The following ZNRF3 variants were observed in gnomAD, a reference collection of about 807,000 sequenced individuals.
The protein encoded by ZNRF3 is zinc and ring finger 3.
ZNRF3 carries 23 observed loss-of-function variants against 72.5 expected under a neutral mutation model. The observed-to-expected ratio is 0.32, with a 90% confidence interval of 0.23 to 0.45. ZNRF3 has a LOEUF of 0.45. Ranked by LOEUF, ZNRF3 falls within the 20% of genes least tolerant of loss-of-function variation. The probability of loss-of-function intolerance (pLI) is 1.00; values close to 1 mark genes in which losing one functional copy is unlikely to be tolerated. For synonymous variants in ZNRF3, 610 were observed against 545.3 expected (o/e 1.12, Z -1.65); for missense variants, 1,169 against 1,272.1 (o/e 0.92, Z 1.23).
At chr22:29,044,088 G>A (rs1234803718) in intron 4 of ZNRF3, among the ~76,000 whole-genome samples, 1 of 152,176 alleles carries the variant, frequency 6.6e-6, no homozygotes, top group African/African-American at 2.4e-5. Flanking sequence ...ACAAATATTG[G>A]GACATTCACA....
intron 1 of ZNRF3, among the ~76,000 whole-genome samples, chr22:28,955,556 GAGC>G: frequency 6.6e-6 from 1 of 152,138 alleles, no homozygotes; most frequent in East Asian, 1.9e-4. Context: ...ATGTTTTGTG[GAGC>G]AGCATCCTCA....
chr22:28,927,184 G>A (rs1157008115), intron 1 of ZNRF3, among the ~76,000 whole-genome samples: 1 of 152,152 alleles, frequency 6.6e-6, no homozygotes, highest in African/African-American at 2.4e-5. Flanking sequence ...CTGAGTAGGG[G>A]CATTCCATTG....
At chr22:28,932,890 T>C (rs913648947) in intron 1 of ZNRF3, among the ~76,000 whole-genome samples, 1 of 152,232 alleles carries the variant, frequency 6.6e-6, no homozygotes, top group East Asian at 1.9e-4. Flanking sequence ...AATACATGTC[T>C]TCTCTAAGAG....
At chr22:29,021,008 G>A (rs1487932942) in intron 2 of ZNRF3, among the ~76,000 whole-genome samples, 1 of 152,036 alleles carries the variant, frequency 6.6e-6, no homozygotes, top group Non-Finnish European at 1.5e-5. Flanking sequence ...GTGTTAGCCA[G>A]GATGGTCTCT....
intron 1 of ZNRF3, among the ~76,000 whole-genome samples, chr22:28,897,125 T>C (rs1326664657): frequency 6.6e-6 from 1 of 152,176 alleles, no homozygotes; most frequent in Non-Finnish European, 1.5e-5. Context: ...TTCATCCTTC[T>C]AAAGTAGTGT....
At chr22:28,943,164 TTC>T (rs2034979399) in intron 1 of ZNRF3, among the ~76,000 whole-genome samples, 1 of 152,218 alleles carries the variant, frequency 6.6e-6, no homozygotes, top group African/African-American at 2.4e-5. Context: ...TCTGATGTTT[TTC>T]TCTCTGTCCC....
At chr22:28,915,656 A>C (rs2034394163) in intron 1 of ZNRF3, among the ~76,000 whole-genome samples, 1 of 152,242 alleles carries the variant, frequency 6.6e-6, no homozygotes, top group Non-Finnish European at 1.5e-5. Flanking sequence ...TGGAAGGACA[A>C]AGTGGAATAC....
intron 2 of ZNRF3, among the ~76,000 whole-genome samples, chr22:29,005,498 G>A (rs188781921): frequency 1.4e-3 from 206 of 152,304 alleles, no homozygotes; most frequent in African/African-American, 4.7e-3. Flanking sequence ...GCTTGTTTGG[G>A]GTAGGAGGAA....
chr22:28,988,780 T>A (rs2035901329), intron 2 of ZNRF3, among the ~76,000 whole-genome samples: 1 of 152,206 alleles, frequency 6.6e-6, no homozygotes, highest in Non-Finnish European at 1.5e-5. Flanking sequence ...TCTTGTACTT[T>A]ATGCAGGAAT....
intron 1 of ZNRF3, among the ~76,000 whole-genome samples, chr22:28,938,819 G>A (rs1420968494): frequency 2.0e-5 from 3 of 152,172 alleles, no homozygotes; most frequent in South Asian, 2.1e-4. Flanking sequence ...GATGGGTTTC[G>A]GATACCTTAA....
rs2123889229 is a variant in ZNRF3 at position 29,050,693 on chromosome 22, T to C, written c.2512T>C (p.Cys838Arg). The change falls in exon 8 of 9, where the codon TGT becomes CGT. Residue 838 changes from cysteine to arginine, a missense_variant. Coordinates refer to ENST00000544604, the MANE Select transcript of ZNRF3 (RefSeq NM_001206998.2). ...RIPIIPEDVD[C>R]DLGLPSDCQG... is the part of the protein sequence containing the mutation. Reference sequence around the variant, plus strand: ...CCCCATCATTCCAGAGGATGTGGACTGTGATCTGGGCCTGCCCTCGGACTG... The same window carrying C: ...CCCCATCATTCCAGAGGATGTGGACCGTGATCTGGGCCTGCCCTCGGACTG... 6.2e-7 allele frequency: 1 copy of C among 1,612,350 alleles called. No individual in the cohort carries two copies. The highest frequency in any genetic ancestry group is 2.2e-5 in the East Asian group (1 of 44,836).
intron 2 of ZNRF3, among the ~76,000 whole-genome samples, chr22:29,022,493 C>T (rs2036558172): frequency 6.6e-6 from 1 of 152,136 alleles, no homozygotes; most frequent in Admixed American, 6.5e-5. Flanking sequence ...GTAGCATGGT[C>T]TCATGATAGT....
rs767944841 is a variant in ZNRF3, at chr22:29,049,172, C to T, written c.1016-25C>T. ...ACACCAGTATGCTCAGCCCTGCCTA[C>T]TCTGTTTCCTCCACTTGTCTCCAGA... On this transcript the variant is annotated intron_variant, in intron 7 of 8. Coordinates refer to ENST00000544604, the MANE Select transcript of ZNRF3 (RefSeq NM_001206998.2). This position sits in a 1 kb window ranked among gnomAD's most constrained non-coding sequence, Gnocchi z 5.2. 3.8e-6 allele frequency: 6 copies of T among 1,568,908 alleles called. No individual in the cohort carries two copies. The Admixed American group carries it at 1.1e-4, about 28-fold the overall frequency.
intron 2 of ZNRF3, among the ~76,000 whole-genome samples, chr22:29,013,921 C>T (rs2036387553): frequency 6.6e-6 from 1 of 152,210 alleles, no homozygotes; most frequent in Admixed American, 6.5e-5. Context: ...GCGCAATGCT[C>T]TAACATAAGC....
intron 1 of ZNRF3, among the ~76,000 whole-genome samples, chr22:28,974,879 C>T (rs1223442114): frequency 6.6e-6 from 1 of 152,306 alleles, no homozygotes; most frequent in Non-Finnish European, 1.5e-5. Flanking sequence ...TCAAGTAATC[C>T]TCCCATCTTG....
intron 1 of ZNRF3, among the ~76,000 whole-genome samples, chr22:28,977,479 CCTTT>C (rs1474604840): frequency 2.0e-5 from 3 of 152,238 alleles, no homozygotes; most frequent in South Asian, 4.1e-4. Flanking sequence ...TGTCCTTTTT[CCTTT>C]CTTTCACGTA....
At position 29,048,830 on chromosome 22, in the gene ZNRF3, C is replaced by T. The variant is rs1027472840; in HGVS notation, c.1015+339C>T. Among the ~76,000 whole-genome samples the T allele has an allele frequency of 3.3e-5, 5 of 152,190 alleles. No individual in the cohort carries two copies. The highest frequency in any genetic ancestry group is 5.9e-5 in the Non-Finnish European group (4 of 68,022). Reference sequence around the variant, plus strand: ...TACCATGGGGGTGTTCCTAGGACCACGAGAGACGATGAGTGTGCAGAGGCC... The same window carrying T: ...TACCATGGGGGTGTTCCTAGGACCATGAGAGACGATGAGTGTGCAGAGGCC... On this transcript the variant is annotated intron_variant, in intron 7 of 8. Transcript: ENST00000544604. This position sits in a 1 kb window ranked among gnomAD's most constrained non-coding sequence, Gnocchi z 4.9.
chr22:29,019,234 C>T (rs1375768381), intron 2 of ZNRF3, among the ~76,000 whole-genome samples: 2 of 151,916 alleles, frequency 1.3e-5, no homozygotes, highest in African/African-American at 2.4e-5. Flanking sequence ...TGTGGCCAAG[C>T]CCAAATTCAA....
chr22:29,056,780 G>C lies in ZNRF3; in HGVS notation c.*3158G>C, dbSNP rs896478281. ...TTTACCAACAAGGTACCTCTTTATG[G>C]ATGCAGCCCCAGTAAGCTGGCTTTA... On this transcript the variant is annotated 3_prime_UTR_variant, in exon 9 of 9. Transcript: ENST00000544604. The C allele has an allele frequency of 6.6e-6, 1 of 152,164 alleles. No homozygotes were observed. The highest frequency in any genetic ancestry group is 6.5e-5 in the Admixed American group (1 of 15,280). The allele number at this position is 152,164 out of a possible 1,614,324, so 9.4% of individuals were successfully genotyped here.
Sources: allele counts gnomAD v4.1 joint callset (sites outside exome capture counted in the v4.1 genomes callset), GRCh38; gene constraint gnomAD v4.1.1; non-coding constraint Gnocchi (gnomAD v3.1); transcripts MANE v1.5; gene names NCBI Gene and HGNC (gene_info 2026-07-23, HGNC 2026-07-21).